The following SDK2 variants were observed in gnomAD, a reference collection of about 807,000 sequenced individuals.
SDK2 encodes sidekick cell adhesion molecule 2.
SDK2 carries 105 observed loss-of-function variants against 253.9 expected under a neutral mutation model. That is an observed-to-expected ratio of 0.41 (90% CI 0.35 to 0.49). The LOEUF (loss-of-function observed/expected upper bound fraction) is 0.49. Among genes scored for constraint, SDK2 ranks in the 20% least tolerant of loss-of-function variants. The probability of loss-of-function intolerance (pLI) is 0.06; values close to 1 mark genes in which losing one functional copy is unlikely to be tolerated. For synonymous variants in SDK2, 1,249 were observed against 1,234.9 expected (o/e 1.01, Z -0.24); for missense variants, 2,608 against 3,003.0 (o/e 0.87, Z 3.07).
At chr17:73,471,267 T>C (rs2063648639) in intron 3 of SDK2, among the ~76,000 whole-genome samples, 1 of 152,122 alleles carries the variant, frequency 6.6e-6, no homozygotes, top group African/African-American at 2.4e-5. Context: ...ACCCTCAGGC[T>C]GTTATCACTC....
chr17:73,485,463 T>C (rs147944991), intron 2 of SDK2, among the ~76,000 whole-genome samples: 23 of 152,282 alleles, frequency 1.5e-4, no homozygotes, highest in Non-Finnish European at 2.9e-4. Flanking sequence ...ACTTCATGGC[T>C]GGGCCAGTCC....
In SDK2 at chr17:73,534,649, G is replaced by A. The variant is rs1014536451; in HGVS notation, c.65-27052C>T. Reference sequence around the variant, plus strand: ...GGTCTTGGAGTGTTGGTGCTGGCTGGCTCTGGTGAGGAGGTGTGACTGCAT... The same window carrying A: ...GGTCTTGGAGTGTTGGTGCTGGCTGACTCTGGTGAGGAGGTGTGACTGCAT... On this transcript the variant is annotated intron_variant, in intron 1 of 44. Coordinates refer to ENST00000392650, the MANE Select transcript of SDK2 (RefSeq NM_001144952.2). The surrounding 1 kb of genome is among the most constrained non-coding windows in gnomAD (Gnocchi z 4.9). Among the ~76,000 whole-genome samples the A allele has an allele frequency of 1.1e-4, 16 of 152,304 alleles. No homozygotes were observed. Among genetic ancestry groups the A allele is most frequent in the Admixed American group, 1.0e-3 (16 of 15,306 alleles).
chr17:73,437,700 T>G (rs1259608435), intron 8 of SDK2, 39 bp downstream of exon 8: 1 of 1,507,020 alleles, frequency 6.6e-7, no homozygotes, highest in East Asian at 2.2e-5. Flanking sequence ...GCTGAAGATC[T>G]GGGGTCTTTG....
chr17:73,569,278 A>C (rs1599686924), intron 1 of SDK2, among the ~76,000 whole-genome samples: 2 of 150,926 alleles, frequency 1.3e-5, no homozygotes, highest in African/African-American at 4.9e-5. Context: ...GCTCATTGCA[A>C]CCTCCGCCTC....
intron 1 of SDK2, among the ~76,000 whole-genome samples, chr17:73,524,274 T>C (rs1257900397): frequency 6.6e-6 from 1 of 152,178 alleles, no homozygotes; most frequent in African/African-American, 2.4e-5. Flanking sequence ...ATTGATAGCC[T>C]ACGTGTTGAT....
Position 73,379,080 on chromosome 17 carries a change from C to T in SDK2, c.4980+97G>A, listed in dbSNP as rs570897164. 2 of 876,098 alleles carry T rather than the reference C, an allele frequency of 2.3e-6. No homozygotes were observed. The highest frequency in any genetic ancestry group is 3.3e-5 in the African/African-American group (2 of 60,424). The allele number at this position is 876,098 out of a possible 1,614,324, so 54.3% of individuals were successfully genotyped here. ...GGAGCTGGCTGGATGAATGGAGGGC[C>T]TGGGGACCTGCCTGCCTCCCACATA... On this transcript the variant is annotated intron_variant, in intron 36 of 44. Transcript: ENST00000392650. The surrounding 1 kb of genome is among the most constrained non-coding windows in gnomAD (Gnocchi z 4.5).
chr17:73,433,471 G>A (rs1433524384), intron 10 of SDK2, among the ~76,000 whole-genome samples: 2 of 152,154 alleles, frequency 1.3e-5, no homozygotes, highest in Non-Finnish European at 2.9e-5. Context: ...ATTTTTAGTA[G>A]AGACCGGGTT....
At chr17:73,407,642 T>C (rs772376630) in intron 18 of SDK2, among the ~76,000 whole-genome samples, 44 of 152,148 alleles carry the variant, frequency 2.9e-4, no homozygotes, top group Non-Finnish European at 5.6e-4. Flanking sequence ...CTCACTATAT[T>C]GCCTAGGCTG....
chr17:73,554,052 G>T (rs1329115853), intron 1 of SDK2, among the ~76,000 whole-genome samples: 1 of 152,130 alleles, frequency 6.6e-6, no homozygotes, highest in Non-Finnish European at 1.5e-5. Flanking sequence ...TCCAGGGGGA[G>T]CTGGGACCAC....
In SDK2 at chr17:73,366,995, C is replaced by A. The variant is rs548840552; in HGVS notation, c.5167+1412G>T. On this transcript the variant is annotated intron_variant, in intron 37 of 44. Transcript: ENST00000392650. ...CTCAAGCCCTCCCATGGCTTCCCAG[C>A]ATACTTTTTAAATTTTTTTATTTTT... 3.9e-5 allele frequency among the ~76,000 whole-genome samples: 6 copies of A among 152,252 alleles called. No individual in the cohort carries two copies. The South Asian group carries it at 1.2e-3, about 32-fold the overall frequency.
intron 1 of SDK2, among the ~76,000 whole-genome samples, chr17:73,630,161 C>T (rs551531644): frequency 6.6e-6 from 1 of 152,210 alleles, no homozygotes; most frequent in African/African-American, 2.4e-5. Context: ...AGCACCTTCT[C>T]TTCAAATCTT....
At chr17:73,446,922 T>C (rs2063456938) in intron 5 of SDK2, among the ~76,000 whole-genome samples, 2 of 151,968 alleles carry the variant, frequency 1.3e-5, no homozygotes, top group Admixed American at 6.5e-5. Flanking sequence ...AGAAAGAACA[T>C]CCCAGCATCT....
At chr17:73,595,159 C>A (rs1338482176) in intron 1 of SDK2, among the ~76,000 whole-genome samples, 2 of 151,996 alleles carry the variant, frequency 1.3e-5, no homozygotes, top group African/African-American at 4.8e-5. Flanking sequence ...AAGCCATGAG[C>A]CACAGAAGGG....
Position 73,455,867 on chromosome 17 carries a change from A to ACCCCTCCCCAC in SDK2, c.479+38_479+39insGTGGGGAGGGG. 2.0e-6 allele frequency: 3 copies of ACCCCTCCCCAC among 1,498,122 alleles called. No individual in the cohort carries two copies. The highest frequency in any genetic ancestry group is 1.8e-6 in the Non-Finnish European group (2 of 1,123,562). The allele number at this position is 1,498,122 out of a possible 1,614,324, so 92.8% of individuals were successfully genotyped here. ...TGGCCCCAAACCTCCTCCCCCAGAC[A>ACCCCTCCCCAC]CCCCTCCCCTCCCCGTCCCCTCAGA... On this transcript the variant is annotated intron_variant, in intron 4 of 44. Coordinates refer to ENST00000392650, the MANE Select transcript of SDK2 (RefSeq NM_001144952.2). This position sits in a 1 kb window ranked among gnomAD's most constrained non-coding sequence, Gnocchi z 5.0.
chr17:73,368,286 G>T, intron 37 of SDK2, 121 bp downstream of exon 37: 1 of 917,132 alleles, frequency 1.1e-6, no homozygotes, highest in Non-Finnish European at 1.5e-6. Context: ...ACCACGACCA[G>T]ATCCTCAGGC....
chr17:73,496,134 G>T lies in SDK2; in HGVS notation c.224+11304C>A, dbSNP rs2145737350. ...TGGGAGGAGCCTGCCCTGCTGGGTG[G>T]GAGTCAGCGTCATGCCCTTGGTGGC... On this transcript the variant is annotated intron_variant, in intron 2 of 44. Transcript: ENST00000392650. This position sits in a 1 kb window ranked among gnomAD's most constrained non-coding sequence, Gnocchi z 4.7. 6.6e-6 allele frequency among the ~76,000 whole-genome samples: 1 copy of T among 152,294 alleles called. No homozygotes were observed. The highest frequency in any genetic ancestry group is 2.1e-4 in the South Asian group (1 of 4,814).
chr17:73,358,606 G>C (rs991673056), intron 39 of SDK2, among the ~76,000 whole-genome samples: 5 of 152,090 alleles, frequency 3.3e-5, no homozygotes, highest in African/African-American at 1.2e-4. Context: ...GCTGTGTCCT[G>C]GATGGTGGGG....
Position 73,338,763 on chromosome 17 carries a change from C to T in SDK2, c.6343G>A (p.Val2115Ile), listed in dbSNP as rs771351020. Residue 2115 changes from valine to isoleucine, a missense_variant, in exon 45 of 45, where the codon GTC (valine) becomes ATC (isoleucine). By Grantham distance (29) the Val-to-Ile change is conservative. Around this residue, in one of 2 missense-constraint regions of SDK2, gnomAD observed 1,103 missense variants for 1,143.9 expected, o/e 0.96. Coordinates refer to ENST00000392650, the MANE Select transcript of SDK2 (RefSeq NM_001144952.2). The surrounding 1 kb of genome is among the most constrained non-coding windows in gnomAD (Gnocchi z 5.0). ...TGCTGGGTGCTGGTGCTGTTGGTGA[C>T]GGTGGTGTGGTCTGGCTCACCCGAG... ...SDSGEPDHTTVTNSTSTQQGS... is the reference protein window; with the variant it reads ...SDSGEPDHTTITNSTSTQQGS... The T allele has an allele frequency of 1.2e-5, 19 of 1,613,630 alleles. No individual in the cohort carries two copies. The highest frequency in any genetic ancestry group is 6.7e-5 in the African/African-American group (5 of 74,864).
At chr17:73,615,601 C>T (rs1394298516) in intron 1 of SDK2, among the ~76,000 whole-genome samples, 1 of 152,180 alleles carries the variant, frequency 6.6e-6, no homozygotes, top group African/African-American at 2.4e-5. Context: ...TGTTCCTGTC[C>T]ACCACACGTG....
Sources: gnomAD v4.1 joint callset for allele counts (sites outside exome capture counted in the v4.1 genomes callset) on GRCh38, gnomAD v4.1.1 for gene constraint, gnomAD v4.1.1 regional missense constraint, Gnocchi (gnomAD v3.1) non-coding constraint, MANE v1.5 for transcripts, NCBI Gene and HGNC (gene_info 2026-07-23, HGNC 2026-07-21) for gene names.